The following MCF2L2 variants were observed in gnomAD, a reference collection of about 807,000 sequenced individuals.
MCF2L2 encodes probable guanine nucleotide exchange factor MCF2L2.
MCF2L2 carries 102 observed loss-of-function variants against 150.2 expected under a neutral mutation model. The observed-to-expected ratio is 0.68, with a 90% CI of 0.58 to 0.80. The LOEUF is 0.80. Ranked by LOEUF, MCF2L2 falls within the 30% of genes least tolerant of loss-of-function variation. MCF2L2 has a pLI of 0.00. For synonymous variants in MCF2L2, 465 were observed against 491.3 expected, an observed-to-expected ratio of 0.95 and a Z score of 0.71; for missense variants, 1,256 against 1,372.8, an observed-to-expected ratio of 0.91 and a Z score of 1.34.
At position 183,194,335 on chromosome 3, in the gene MCF2L2, C is replaced by T. The variant is rs182538263; in HGVS notation, c.2918+887G>A. Among the ~76,000 whole-genome samples the T allele has an allele frequency of 2.0e-3, 309 of 152,180 alleles. 2 individuals are homozygous for T. Among genetic ancestry groups the T allele is most frequent in the African/African-American group, 6.7e-3 (279 of 41,510 alleles). On this transcript the variant is annotated intron_variant, in intron 26 of 29. Coordinates refer to ENST00000328913, the MANE Select transcript of MCF2L2 (RefSeq NM_015078.4). ...TTTGGACAGGAAGAGGAATTATAGA[C>T]GAAGATTGTAAGTCGCAGTAATAGA...
chr3:183,231,308 G>C (rs1723547990), intron 15 of MCF2L2: 8 of 538,372 alleles, frequency 1.5e-5, no homozygotes, highest in South Asian at 1.2e-4. Flanking sequence ...TAGTGTGGGG[G>C]TCAAGAAGGG....
At chr3:183,204,619 C>A (rs2108645293) in intron 25 of MCF2L2, among the ~76,000 whole-genome samples, 1 of 152,116 alleles carries the variant, frequency 6.6e-6, no homozygotes, top group South Asian at 2.1e-4. Flanking sequence ...AGAAAGTTAA[C>A]AAAAGTTACC....
At chr3:183,288,929 C>A (rs1331316388) in intron 14 of MCF2L2, among the ~76,000 whole-genome samples, 191 bp downstream of exon 14, 1 of 152,064 alleles carries the variant, frequency 6.6e-6, no homozygotes, top group African/African-American at 2.4e-5. Context: ...TCACTTCTAG[C>A]TGCCGTTAAG....
chr3:183,185,062 C>T (rs1040134764), intron 27 of MCF2L2, among the ~76,000 whole-genome samples: 39 of 152,120 alleles, frequency 2.6e-4, no homozygotes, highest in African/African-American at 9.4e-4. Context: ...GGACTACAGG[C>T]GCATGCCACC....
Position 183,276,970 on chromosome 3 carries a change from A to G in MCF2L2, c.1777-13T>C, listed in dbSNP as rs1229487836. On this transcript the variant is annotated splice_polypyrimidine_tract_variant and intron_variant, in intron 14 of 29. Transcript: ENST00000328913. ...AGATTTCTTCACTCTGAAGTGAAAG[A>G]AATTTTGGTAAGATTTGATATTGTA... is the stretch of plus-strand genomic sequence containing the variant. The G allele has an allele frequency of 4.5e-6, 7 of 1,561,776 alleles. No homozygotes were observed. Among genetic ancestry groups the G allele is most frequent in the South Asian group, 2.3e-5 (2 of 87,168 alleles).
chr3:183,340,684 T>C (rs1329319843), intron 4 of MCF2L2, among the ~76,000 whole-genome samples: 1 of 152,216 alleles, frequency 6.6e-6, no homozygotes, highest in Non-Finnish European at 1.5e-5. Flanking sequence ...GGCTCAAGCC[T>C]GTAATCCCAA....
At chr3:183,252,440 G>A (rs943688804) in intron 15 of MCF2L2, among the ~76,000 whole-genome samples, 2 of 152,186 alleles carry the variant, frequency 1.3e-5, no homozygotes, top group South Asian at 2.1e-4. Context: ...TTTAAAAGAT[G>A]CTGACCAGCT....
At chr3:183,255,733 A>T (rs1724981536) in intron 15 of MCF2L2, among the ~76,000 whole-genome samples, 1 of 152,200 alleles carries the variant, frequency 6.6e-6, no homozygotes, top group Non-Finnish European at 1.5e-5. Context: ...TCAAGTAAAA[A>T]ATGAAACATT....
At chr3:183,361,014 A>AG in intron 3 of MCF2L2, among the ~76,000 whole-genome samples, 1 of 143,510 alleles carries the variant, frequency 7.0e-6, no homozygotes, top group East Asian at 2.0e-4. Flanking sequence ...AAAAGAAAAG[A>AG]AAAGAAAAGA....
intron 15 of MCF2L2, among the ~76,000 whole-genome samples, chr3:183,257,896 T>TA (rs1230320014): frequency 6.9e-6 from 1 of 145,446 alleles, no homozygotes; most frequent in Non-Finnish European, 1.5e-5. Context: ...CTTATGTGCT[T>TA]AAAAAAAATT....
intron 25 of MCF2L2, among the ~76,000 whole-genome samples, chr3:183,202,659 G>A (rs1453297943): frequency 6.6e-6 from 1 of 152,204 alleles, no homozygotes. Context: ...TTAGTATTTA[G>A]ATCACTAAGC....
rs36115279 is a variant in MCF2L2 at position 183,304,462 on chromosome 3, A to AT, written c.1114-4267dup. Among the ~76,000 whole-genome samples the AT allele has an allele frequency of 7.9e-3, 897 of 114,054 alleles. 27 individuals are homozygous for AT. The highest frequency in any genetic ancestry group is 0.034 in the East Asian group (129 of 3,754). The allele number at this position is 114,054 out of a possible 152,430, so 74.8% of individuals were successfully genotyped here. A position where few individuals can be genotyped will look rare whatever the true frequency, so the allele number is the denominator to read the frequency against. On this transcript the variant is annotated intron_variant, in intron 10 of 29. Coordinates refer to ENST00000328913, the MANE Select transcript of MCF2L2 (RefSeq NM_015078.4). ...TGGAATACTCATTCCCTGGGCAGTG[A>AT]TTTTTTTTTTTTTTTTTTTTTTGAG... is the stretch of plus-strand genomic sequence containing the variant.
rs755558349 is a variant in MCF2L2 at position 183,179,672 on chromosome 3, C to T, written c.3126G>A (p.Ser1042=). 1 of 1,614,068 alleles carries T rather than the reference C, an allele frequency of 6.2e-7. No homozygotes were observed. Among genetic ancestry groups the T allele is most frequent in the Non-Finnish European group, 8.5e-7 (1 of 1,179,944 alleles). Residue 1042 remains serine, a synonymous_variant, in exon 29 of 30, where the codon TCG becomes TCA. Transcript: ENST00000328913. This position sits in a 1 kb window ranked among gnomAD's most constrained non-coding sequence, Gnocchi z 4.2. ...AGGAACAGGTTTCGTGACTGTCGTC[C>T]GACTGGAAAAGGCCCGCGAGCTGGA... ...SALSLAGLFQ[S]DDSHETCSSK... is the part of the protein sequence containing the mutation.
chr3:183,238,402 C>G lies in MCF2L2; in HGVS notation c.1863-7385G>C, dbSNP rs578070930. ...CTCTGCCTCCCAGGTTCAAGCAATTCCCCTGCCTCAGACTCCCGAGTAGCT... is the reference window on the plus strand; with the variant it reads ...CTCTGCCTCCCAGGTTCAAGCAATTGCCCTGCCTCAGACTCCCGAGTAGCT... On this transcript the variant is annotated intron_variant, in intron 15 of 29. Coordinates refer to ENST00000328913, the MANE Select transcript of MCF2L2 (RefSeq NM_015078.4). Among the ~76,000 whole-genome samples the G allele has an allele frequency of 5.3e-5, 8 of 152,030 alleles. No homozygotes were observed. In the East Asian group the frequency reaches 1.6e-3, roughly 30 times the overall value.
In MCF2L2 at chr3:183,300,172, G is replaced by A. The variant is rs1438735547; in HGVS notation, c.1138C>T (p.Leu380=). Residue 380 remains leucine, a synonymous_variant, in exon 11 of 30, where the codon CTG becomes TTG. Coordinates refer to ENST00000328913, the MANE Select transcript of MCF2L2 (RefSeq NM_015078.4). ...SQEPLEKAQL[L]ALVGDQLIQS... ...ATGAGCTGGTCCCCAACCAGTGCCA[G>A]CAGCTGGGCCTTTTCCAGGGGCTCC... is the stretch of plus-strand genomic sequence containing the variant. 6.2e-7 allele frequency: 1 copy of A among 1,606,336 alleles called. No homozygotes were observed. Among genetic ancestry groups the A allele is most frequent in the African/African-American group, 1.3e-5 (1 of 74,174 alleles).
intron 5 of MCF2L2, among the ~76,000 whole-genome samples, chr3:183,334,077 G>T (rs1158529291): frequency 6.6e-6 from 1 of 151,952 alleles, no homozygotes; most frequent in African/African-American, 2.4e-5. Context: ...ATTGAGAATG[G>T]CAATGAATGA....
At chr3:183,361,818 T>C (rs1712226720) in intron 3 of MCF2L2, among the ~76,000 whole-genome samples, 1 of 152,228 alleles carries the variant, frequency 6.6e-6, no homozygotes, top group African/African-American at 2.4e-5. Context: ...TGTTTATCAG[T>C]AGCATGTAAG....
At chr3:183,317,916 T>A in intron 7 of MCF2L2, 152 bp downstream of exon 7, 2 of 924,502 alleles carry the variant, frequency 2.2e-6, no homozygotes, top group Non-Finnish European at 3.2e-6. Context: ...AAACTGCCTG[T>A]CTGGAAGGTT....
intron 23 of MCF2L2, among the ~76,000 whole-genome samples, chr3:183,207,163 C>A (rs575828523): frequency 1.3e-5 from 2 of 152,224 alleles, no homozygotes; most frequent in East Asian, 3.9e-4. Flanking sequence ...AGTTTCTAAA[C>A]AGGTGAGAAA....
Sources: gnomAD v4.1 joint callset for allele counts (sites outside exome capture counted in the v4.1 genomes callset) on GRCh38, gnomAD v4.1.1 for gene constraint, Gnocchi (gnomAD v3.1) non-coding constraint, MANE v1.5 for transcripts, NCBI Gene and HGNC (gene_info 2026-07-23, HGNC 2026-07-21) for gene names.